The following LMO2 variants were observed in gnomAD, a reference collection of about 807,000 sequenced individuals.
LMO2 encodes the protein rhombotin-2.
A neutral mutation model predicts 23.2 loss-of-function variants in LMO2; 20 were observed. The ratio of observed to expected loss-of-function variants is 0.86; its 90% CI spans 0.61 to 1.25. The LOEUF (loss-of-function observed/expected upper bound fraction) is 1.25, where lower values mean the gene tolerates loss of function less well. Ranked by LOEUF, LMO2 falls within the 50% of genes most tolerant of loss-of-function variation. LMO2 has a pLI of 0.00. For missense variants in LMO2, 270 were observed against 315.3 expected, an observed-to-expected ratio of 0.86 and a Z score of 1.09; for synonymous variants, 123 against 130.2, an observed-to-expected ratio of 0.94 and a Z score of 0.38.
At chr11:33,885,869 G>A (rs1281721305) in intron 1 of LMO2, among the ~76,000 whole-genome samples, 1 of 143,744 alleles carries the variant, frequency 7.0e-6, no homozygotes, top group African/African-American at 2.5e-5. Flanking sequence ...TGTCTCCCTG[G>A]GCTGGTACAC....
At chr11:33,871,319 C>T (rs998727195) in intron 2 of LMO2, among the ~76,000 whole-genome samples, 3 of 151,502 alleles carry the variant, frequency 2.0e-5, no homozygotes, top group African/African-American at 4.9e-5. Context: ...CGGCTGTGCT[C>T]GGTGGCTCAT....
chr11:33,866,862 T>G (rs1373258672), intron 4 of LMO2, among the ~76,000 whole-genome samples: 2 of 152,186 alleles, frequency 1.3e-5, no homozygotes, highest in African/African-American at 2.4e-5. Context: ...AAGCCTTGCT[T>G]TCTTTCCTTT....
intron 2 of LMO2, among the ~76,000 whole-genome samples, chr11:33,879,303 T>C (rs1174840523): frequency 6.6e-6 from 1 of 152,038 alleles, no homozygotes; most frequent in South Asian, 2.1e-4. Context: ...TTACAAATCA[T>C]ATATCTGATA....
chr11:33,870,459 A>ACGGGCTGCGGGCCCCAGGCTG (rs1856984625), intron 2 of LMO2: 1 of 985,342 alleles, frequency 1.0e-6, no homozygotes, highest in South Asian at 4.7e-5. Flanking sequence ...GCTGCGGGCT[A>ACGGGCTGCGGGCCCCAGGCTG]CGGGCTGCGG....
chr11:33,880,204 GAT>G lies in LMO2; in HGVS notation c.-272+1618_-272+1619del, dbSNP rs748436879. Among the ~76,000 whole-genome samples, 3 of 77,662 alleles carry G rather than the reference GAT, an allele frequency of 3.9e-5. No individual in the cohort carries two copies. Among genetic ancestry groups the G allele is most frequent in the African/African-American group, 1.1e-4 (2 of 17,560 alleles). The allele number at this position is 77,662 out of a possible 152,430, so 50.9% of individuals were successfully genotyped here. ...TGATATATATATCATATATACACATGATATATATATCATATATACACATGATA... is the reference window on the plus strand; with the variant it reads ...TGATATATATATCATATATACACATGATATATATCATATATACACATGATA... On this transcript the variant is annotated intron_variant, in intron 2 of 5. Coordinates refer to ENST00000257818, the MANE Select transcript of LMO2 (RefSeq NM_005574.4). The surrounding 1 kb of genome is among the most constrained non-coding windows in gnomAD (Gnocchi z 4.3).
rs1260413145 is a variant in LMO2, at chr11:33,869,560, C to G, written c.34G>C (p.Gly12Arg). 8 of 1,296,366 alleles carry G rather than the reference C, an allele frequency of 6.2e-6. No individual in the cohort carries two copies. The highest frequency in any genetic ancestry group is 9.9e-7 in the Non-Finnish European group (1 of 1,009,388). 80.3% of individuals were successfully genotyped at this position (1,296,366 alleles called of 1,614,324 possible). A position where few individuals can be genotyped will look rare whatever the true frequency, so the allele number is the denominator to read the frequency against. The change falls in exon 4 of 6, where the codon GGA becomes CGA. Residue 12 changes from glycine (G) to arginine (R), a missense_variant. Physicochemically the swap from Gly to Arg is moderately radical, Grantham distance 125. Transcript: ENST00000257818. The part of the protein sequence containing the change: ...EGSAVTVLER[G>R]GASSPAERRS... The stretch of plus-strand genomic sequence containing the variant: ...CGCTCCGCCGGCGAGCTCGCCCCTC[C>G]GCGCTCAAGGACAGTCACCGCGCTC...
intron 5 of LMO2, 66 bp from the exon 6 acceptor site, chr11:33,859,641 G>C (rs1856496148): frequency 6.8e-7 from 1 of 1,467,422 alleles, no homozygotes; most frequent in African/African-American, 1.4e-5. Flanking sequence ...CAGGGCTCGG[G>C]GATGAGCCCT....
Position 33,869,337 on chromosome 11 carries a change from C to T in LMO2, c.248+9G>A, listed in dbSNP as rs2133698120. ...CCGGGGGTGGCAGGGGCAGGGGGGC[C>T]GCACTTACTCTGAAGGGTCCAGGCT... On this transcript the variant is annotated intron_variant, in intron 4 of 5. Coordinates refer to ENST00000257818, the MANE Select transcript of LMO2 (RefSeq NM_005574.4). 1 of 1,188,402 alleles carries T rather than the reference C, an allele frequency of 8.4e-7. No homozygotes were observed. The highest frequency in any genetic ancestry group is 1.1e-6 in the Non-Finnish European group (1 of 951,188). 73.6% of individuals were successfully genotyped at this position (1,188,402 alleles called of 1,614,324 possible). A position where few individuals can be genotyped will look rare whatever the true frequency, so the allele number is the denominator to read the frequency against.
chr11:33,866,146 A>G (rs1456751607), intron 4 of LMO2, among the ~76,000 whole-genome samples: 1 of 152,238 alleles, frequency 6.6e-6, no homozygotes, highest in East Asian at 1.9e-4. Context: ...ACTTGGGGAC[A>G]GGAGGCTAGG....
In LMO2 at chr11:33,862,277, G is replaced by C. The variant is rs549674052; in HGVS notation, c.464+2325C>G. On this transcript the variant is annotated intron_variant, in intron 5 of 5. Transcript: ENST00000257818. Reference sequence around the variant, plus strand: ...CTGCGGGGCTTGGTACTCCCACCATGTCTGTCACTGGTTAAGGTCCGTTGG... The same window carrying C: ...CTGCGGGGCTTGGTACTCCCACCATCTCTGTCACTGGTTAAGGTCCGTTGG... 2.0e-5 allele frequency among the ~76,000 whole-genome samples: 3 copies of C among 152,328 alleles called. No individual in the cohort carries two copies. In the East Asian group the frequency reaches 5.8e-4, roughly 29 times the overall value.
chr11:33,869,493 C>CCGCCGCCGT lies in LMO2; in HGVS notation c.92_100dup (p.Asp31_Gly33dup), dbSNP rs1049683097. On this transcript the variant is annotated inframe_insertion, in exon 4 of 6. Coordinates refer to ENST00000257818, the MANE Select transcript of LMO2 (RefSeq NM_005574.4). ...CTCGGGTGCTCGGGCGCCGCCGCCG[C>CCGCCGCCGT]CGCCGCCGTCGCCGCCGCTCCTGCG... 3.0e-5 allele frequency: 36 copies of CCGCCGCCGT among 1,203,682 alleles called. No individual in the cohort carries two copies. Among genetic ancestry groups the CCGCCGCCGT allele is most frequent in the South Asian group, 1.5e-4 (4 of 26,890 alleles). 74.6% of individuals were successfully genotyped at this position (1,203,682 alleles called of 1,614,324 possible).
chr11:33,889,989 G>A (rs12280867), intron 1 of LMO2, among the ~76,000 whole-genome samples: 1,564 of 152,282 alleles, frequency 0.01, 29 homozygotes, highest in African/African-American at 0.036. Flanking sequence ...CATGTCTCTC[G>A]CAGCCACATG....
intron 2 of LMO2, chr11:33,870,294 C>A (rs1856977774): frequency 8.6e-6 from 8 of 929,652 alleles, no homozygotes; most frequent in Non-Finnish European, 9.0e-6. Flanking sequence ...AAGTAACCCA[C>A]GAACAGCTCG....
chr11:33,878,154 G>C (rs1033351377), intron 2 of LMO2, among the ~76,000 whole-genome samples: 2 of 67,658 alleles, frequency 3.0e-5, no homozygotes, highest in Non-Finnish European at 5.0e-5. Flanking sequence ...CTAGCAGGTC[G>C]AGACCAAATT....
intron 2 of LMO2, among the ~76,000 whole-genome samples, chr11:33,872,414 T>C (rs1565030879): frequency 6.6e-6 from 1 of 152,220 alleles, no homozygotes; most frequent in Non-Finnish European, 1.5e-5. Flanking sequence ...GGGTGGCACA[T>C]AGATTTGTAA....
At chr11:33,862,304 G>T (rs1447011820) in intron 5 of LMO2, among the ~76,000 whole-genome samples, 3 of 152,138 alleles carry the variant, frequency 2.0e-5, no homozygotes, top group Non-Finnish European at 2.9e-5. Flanking sequence ...GTCCGTTGGG[G>T]GTCTAGTTGG....
Position 33,864,521 on chromosome 11 carries a change from G to T in LMO2, c.464+81C>A. On this transcript the variant is annotated intron_variant, in intron 5 of 5. Transcript: ENST00000257818. This position sits in a 1 kb window ranked among gnomAD's most constrained non-coding sequence, Gnocchi z 4.8. ...GTGTCCGAGCCTGGAGCAGGGTAAG[G>T]GGCAACACACACCGACTGCAGATGT... is the stretch of plus-strand genomic sequence containing the variant. The T allele has an allele frequency of 8.5e-7, 1 of 1,176,890 alleles. No individual in the cohort carries two copies. The allele number at this position is 1,176,890 out of a possible 1,614,324, so 72.9% of individuals were successfully genotyped here.
intron 1 of LMO2, among the ~76,000 whole-genome samples, chr11:33,888,299 T>G (rs1245885131): frequency 6.6e-6 from 1 of 152,184 alleles, no homozygotes; most frequent in Non-Finnish European, 1.5e-5. Context: ...GGGGCCATAC[T>G]CTGTGCCACT....
chr11:33,862,369 C>T (rs554821731), intron 5 of LMO2, among the ~76,000 whole-genome samples: 3 of 152,138 alleles, frequency 2.0e-5, no homozygotes, highest in South Asian at 4.1e-4. Flanking sequence ...AAAAGCAAAA[C>T]CACTGCCATC....
Sources: gnomAD v4.1 joint callset for allele counts (sites outside exome capture counted in the v4.1 genomes callset) on GRCh38, gnomAD v4.1.1 for gene constraint, Gnocchi (gnomAD v3.1) non-coding constraint, MANE v1.5 for transcripts, NCBI Gene and HGNC (gene_info 2026-07-23, HGNC 2026-07-21) for gene names.